The following R3HDM2 variants were observed in gnomAD, a reference collection of about 807,000 sequenced individuals.
The protein encoded by R3HDM2 is R3H domain-containing protein 2.
In R3HDM2, 38 loss-of-function variants were observed where a neutral mutation model predicts 124.5. The observed-to-expected ratio is 0.31, with a 90% CI of 0.24 to 0.40. R3HDM2 has a LOEUF of 0.40. Ranked by LOEUF, R3HDM2 falls within the 10% of genes least tolerant of loss-of-function variation. The pLI is 1.00. For synonymous variants in R3HDM2, 391 were observed against 448.0 expected (o/e 0.87, Z 1.61); for missense variants, 869 against 1,236.9 (o/e 0.70, Z 4.46).
intron 2 of R3HDM2, among the ~76,000 whole-genome samples, chr12:57,377,244 A>G (rs1371339442): frequency 2.0e-5 from 3 of 152,026 alleles, no homozygotes; most frequent in Admixed American, 6.6e-5. Context: ...GAAAGTCTTG[A>G]GTTTGCAAGA....
chr12:57,298,015 C>T, intron 7 of R3HDM2, 75 bp downstream of exon 7: 1 of 1,040,716 alleles, frequency 9.6e-7, no homozygotes, highest in Admixed American at 2.0e-5. Flanking sequence ...TGGAAAAATT[C>T]TGGGAAGCCG....
chr12:57,386,237 G>A (rs1382805803), intron 2 of R3HDM2, among the ~76,000 whole-genome samples: 2 of 152,192 alleles, frequency 1.3e-5, no homozygotes, highest in South Asian at 2.1e-4. Context: ...TCAGCCCACC[G>A]CTGCACTGTG....
At chr12:57,365,711 G>GGATCACCTA (rs2062559301) in intron 2 of R3HDM2, among the ~76,000 whole-genome samples, 2 of 152,138 alleles carry the variant, frequency 1.3e-5, no homozygotes, top group South Asian at 4.1e-4. Flanking sequence ...TGAGGCAGAT[G>GGATCACCTA]GATCACCTAA....
At chr12:57,382,283 T>C (rs2065005370) in intron 2 of R3HDM2, among the ~76,000 whole-genome samples, 1 of 144,576 alleles carries the variant, frequency 6.9e-6, no homozygotes, top group African/African-American at 2.5e-5. Context: ...TCTGGCTAAT[T>C]TGGTTTTTTT....
intron 14 of R3HDM2, among the ~76,000 whole-genome samples, chr12:57,276,226 A>G (rs79687937): frequency 6.6e-6 from 1 of 151,604 alleles, no homozygotes; most frequent in Non-Finnish European, 1.5e-5. Flanking sequence ...AAAAAAAAAA[A>G]AGAACTAAAA....
At chr12:57,396,813 A>T (rs562471012) in intron 1 of R3HDM2, among the ~76,000 whole-genome samples, 25 of 150,952 alleles carry the variant, frequency 1.7e-4, no homozygotes, top group Admixed American at 1.4e-3. Flanking sequence ...TAGGCTGCGC[A>T]TGGTGGCTCA....
intron 2 of R3HDM2, among the ~76,000 whole-genome samples, chr12:57,337,336 A>G (rs2058982039): frequency 6.6e-6 from 1 of 151,882 alleles, no homozygotes; most frequent in South Asian, 2.1e-4. Context: ...GTTCTTTTGT[A>G]GAGTCTGGAT....
chr12:57,297,413 CAA>C, intron 7 of R3HDM2, 26 bp from the exon 8 acceptor site: 1 of 1,413,336 alleles, frequency 7.1e-7, no homozygotes, highest in Non-Finnish European at 9.7e-7. Context: ...TAAAACAAAA[CAA>C]AACAAAACAA....
At chr12:57,351,216 G>A (rs937740309) in intron 2 of R3HDM2, among the ~76,000 whole-genome samples, 2 of 152,156 alleles carry the variant, frequency 1.3e-5, no homozygotes, top group Admixed American at 1.3e-4. Context: ...GGAGCAAGCC[G>A]TGATGGCACC....
chr12:57,310,038 T>G (rs890546409), intron 3 of R3HDM2, among the ~76,000 whole-genome samples: 5 of 152,220 alleles, frequency 3.3e-5, no homozygotes. Context: ...ATAGACCCTG[T>G]CTCTACAAAA....
intron 1 of R3HDM2, among the ~76,000 whole-genome samples, chr12:57,403,723 G>A (rs1244646993): frequency 2.0e-5 from 3 of 151,748 alleles, no homozygotes; most frequent in Admixed American, 2.0e-4. Flanking sequence ...GAGGTGGGAG[G>A]AGGGAGGATC....
At chr12:57,392,647 G>A (rs2066873613) in intron 2 of R3HDM2, among the ~76,000 whole-genome samples, 1 of 152,088 alleles carries the variant, frequency 6.6e-6, no homozygotes, top group African/African-American at 2.4e-5. Flanking sequence ...AGGCTAGAGT[G>A]CAATGGCGCG....
intron 2 of R3HDM2, among the ~76,000 whole-genome samples, chr12:57,364,240 C>T (rs537031858): frequency 6.7e-6 from 1 of 148,886 alleles, no homozygotes; most frequent in South Asian, 2.2e-4. Flanking sequence ...CTTCACCTCC[C>T]GGGCTCAAGC....
chr12:57,422,211 T>C (rs1039488738), intron 1 of R3HDM2, among the ~76,000 whole-genome samples: 1 of 151,796 alleles, frequency 6.6e-6, no homozygotes, highest in Non-Finnish European at 1.5e-5. Context: ...CTGGACTCCC[T>C]AATTCCAGTC....
intron 1 of R3HDM2, chr12:57,430,508 C>T (rs1381334413): frequency 2.0e-6 from 2 of 978,884 alleles, no homozygotes; most frequent in Non-Finnish European, 2.4e-6. Flanking sequence ...CCGCCGCCCT[C>T]CGCCCCGCGC....
intron 2 of R3HDM2, among the ~76,000 whole-genome samples, chr12:57,369,030 A>C (rs2063001478): frequency 6.6e-6 from 1 of 152,116 alleles, no homozygotes; most frequent in Admixed American, 6.6e-5. Context: ...TCCTAATTCT[A>C]ATATAGAAGG....
intron 2 of R3HDM2, among the ~76,000 whole-genome samples, chr12:57,372,851 A>C (rs970175985): frequency 6.6e-6 from 1 of 152,196 alleles, no homozygotes; most frequent in Non-Finnish European, 1.5e-5. Flanking sequence ...ACCAATCAAT[A>C]AAAAGGGTAG....
At chr12:57,418,971 T>C (rs1199004727) in intron 1 of R3HDM2, among the ~76,000 whole-genome samples, 1 of 152,168 alleles carries the variant, frequency 6.6e-6, no homozygotes, top group Non-Finnish European at 1.5e-5. Context: ...CTTTGTAAAA[T>C]ACAAAATAAT....
intron 17 of R3HDM2, 73 bp from the exon 18 acceptor site, chr12:57,268,530 C>A: frequency 1.3e-6 from 2 of 1,497,738 alleles, no homozygotes; most frequent in Non-Finnish European, 9.2e-7. Context: ...GCCTAGTCAT[C>A]ACGAGATCAG....
Sources: gnomAD v4.1 joint callset for allele counts (sites outside exome capture counted in the v4.1 genomes callset) on GRCh38, gnomAD v4.1.1 for gene constraint, MANE v1.5 for transcripts, NCBI Gene and HGNC (gene_info 2026-07-23, HGNC 2026-07-21) for gene names.